TOX: variants seen among roughly 807,000 people sequenced by gnomAD.
TOX encodes thymocyte selection-associated high mobility group box protein TOX.
TOX carries 11 observed loss-of-function variants against 53.7 expected under a neutral mutation model. The ratio of observed to expected loss-of-function variants is 0.20; its 90% CI spans 0.13 to 0.34. The LOEUF (loss-of-function observed/expected upper bound fraction) is 0.34, where lower values mean the gene tolerates loss of function less well. Ranked by LOEUF, TOX falls within the 10% of genes least tolerant of loss-of-function variation. TOX has a pLI of 1.00. For synonymous variants in TOX, 225 were observed against 245.3 expected, an observed-to-expected ratio of 0.92 and a Z score of 0.77; for missense variants, 570 against 664.6, an observed-to-expected ratio of 0.86 and a Z score of 1.56.
chr8:59,110,955 A>G (rs1445676665), intron 1 of TOX, among the ~76,000 whole-genome samples: 1 of 152,170 alleles, frequency 6.6e-6, no homozygotes, highest in East Asian at 1.9e-4. Context: ...AATTCTTTGA[A>G]TTTTTGAACA....
chr8:58,838,649 C>T (rs541054521), intron 4 of TOX, among the ~76,000 whole-genome samples: 1 of 150,196 alleles, frequency 6.7e-6, no homozygotes, highest in East Asian at 2.0e-4. Context: ...GGTAGTAACA[C>T]TATTGGATGA....
At chr8:58,986,320 G>C (rs948376031) in intron 1 of TOX, among the ~76,000 whole-genome samples, 3 of 152,130 alleles carry the variant, frequency 2.0e-5, no homozygotes, top group African/African-American at 4.8e-5. Context: ...ATAGAATACA[G>C]ACTCCCAGTC....
intron 3 of TOX, among the ~76,000 whole-genome samples, chr8:58,864,021 C>T (rs1251849937): frequency 1.3e-5 from 2 of 151,980 alleles, no homozygotes; most frequent in East Asian, 3.9e-4. Flanking sequence ...TAGAATTTAA[C>T]TCCGGAGGCA....
chr8:59,093,917 A>G (rs565768664), intron 1 of TOX, among the ~76,000 whole-genome samples: 1 of 152,330 alleles, frequency 6.6e-6, no homozygotes, highest in East Asian at 1.9e-4. Context: ...TTTACCTGCC[A>G]GCTTGTCACA....
At chr8:58,914,727 G>C (rs917402934) in intron 3 of TOX, among the ~76,000 whole-genome samples, 1 of 152,042 alleles carries the variant, frequency 6.6e-6, no homozygotes, top group Non-Finnish European at 1.5e-5. Context: ...AACAGCTCTG[G>C]TCTACAGCTC....
intron 3 of TOX, among the ~76,000 whole-genome samples, chr8:58,852,536 T>C (rs1585860886): frequency 6.6e-6 from 1 of 152,234 alleles, no homozygotes; most frequent in African/African-American, 2.4e-5. Flanking sequence ...ATTCAAGCAA[T>C]GAATTTTGTC....
intron 5 of TOX, among the ~76,000 whole-genome samples, chr8:58,828,344 C>G (rs1585847359): frequency 6.6e-6 from 1 of 152,232 alleles, no homozygotes; most frequent in East Asian, 1.9e-4. Context: ...GGGGCTTCAG[C>G]CTTGACTTCT....
At chr8:58,948,839 T>C (rs1454807070) in intron 2 of TOX, among the ~76,000 whole-genome samples, 6 of 150,092 alleles carry the variant, frequency 4.0e-5, no homozygotes, top group African/African-American at 1.5e-4. Context: ...TTAGAAAATA[T>C]ACATAGGAAA....
intron 1 of TOX, among the ~76,000 whole-genome samples, chr8:58,995,348 G>A (rs910259234): frequency 2.0e-5 from 3 of 152,126 alleles, no homozygotes. Flanking sequence ...AGACAAAACC[G>A]TTTTCTGAAT....
intron 3 of TOX, among the ~76,000 whole-genome samples, chr8:58,923,292 A>G (rs1812102582): frequency 6.6e-6 from 1 of 152,150 alleles, no homozygotes; most frequent in African/African-American, 2.4e-5. Flanking sequence ...GGCAGTGGTG[A>G]AGAAGGAAGC....
At chr8:58,840,396 C>T (rs542467379) in intron 4 of TOX, among the ~76,000 whole-genome samples, 1 of 152,290 alleles carries the variant, frequency 6.6e-6, no homozygotes, top group East Asian at 1.9e-4. Context: ...CTGTCAGAGA[C>T]TCAGCATGTC....
Position 59,118,334 on chromosome 8 carries a change from C to A in TOX, c.102+552G>T, listed in dbSNP as rs1330065970. Among the ~76,000 whole-genome samples, 1 of 152,188 alleles carries A rather than the reference C, an allele frequency of 6.6e-6. No homozygotes were observed. Among genetic ancestry groups the A allele is most frequent in the Non-Finnish European group, 1.5e-5 (1 of 68,042 alleles). On this transcript the variant is annotated intron_variant, in intron 1 of 8. Coordinates refer to ENST00000361421, the MANE Select transcript of TOX (RefSeq NM_014729.3). This position sits in a 1 kb window ranked among gnomAD's most constrained non-coding sequence, Gnocchi z 4.1. The stretch of plus-strand genomic sequence containing the variant: ...CCGAACCCGGGCTCGGCTGCCGGAA[C>A]CGGTTTGAGAAAACAAAAGAGTTGT...
intron 1 of TOX, among the ~76,000 whole-genome samples, chr8:59,063,350 A>AT (rs1055483127): frequency 6.1e-5 from 9 of 148,626 alleles, no homozygotes; most frequent in East Asian, 2.0e-4. Flanking sequence ...AATTTGCAAA[A>AT]TTTTTTTTTT....
rs368692901 is a variant in TOX at position 58,967,036 on chromosome 8, G to A, written c.103-7028C>T. ...ACTACGGGCGCCCGCCACCACGCCC[G>A]GCTAATTTTTTGTATTTTTAGTAGA... On this transcript the variant is annotated intron_variant, in intron 1 of 8. Coordinates refer to ENST00000361421, the MANE Select transcript of TOX (RefSeq NM_014729.3). Among the ~76,000 whole-genome samples the A allele has an allele frequency of 2.6e-3, 388 of 151,968 alleles. 3 individuals are homozygous for A. Among genetic ancestry groups the A allele is most frequent in the African/African-American group, 8.6e-3 (356 of 41,462 alleles).
intron 1 of TOX, among the ~76,000 whole-genome samples, chr8:58,962,170 T>C (rs1812810628): frequency 6.6e-6 from 1 of 152,216 alleles, no homozygotes; most frequent in South Asian, 2.1e-4. Context: ...GTTGAGTCTA[T>C]CCAACATGTA....
chr8:58,832,137 ATAATATATGTAATATATAATATATG>A (rs1266318676), intron 5 of TOX, among the ~76,000 whole-genome samples: 237 of 147,076 alleles, frequency 1.6e-3, no homozygotes, highest in African/African-American at 5.3e-3. Flanking sequence ...TGTAATATAT[ATAATATATGTAATATATAATATATG>A]TAATATATGT....
intron 3 of TOX, among the ~76,000 whole-genome samples, chr8:58,935,223 A>G (rs747220643): frequency 3.9e-5 from 6 of 152,128 alleles, no homozygotes; most frequent in Non-Finnish European, 7.4e-5. Flanking sequence ...CATAATTCAT[A>G]TATAAAACAT....
At position 58,815,472 on chromosome 8, in the gene TOX, G is replaced by T; in HGVS notation, c.1258C>A (p.Pro420Thr). ...TGAAGAGGCGGGCTGATCTGGAGGG[G>T]AGGAGGAGGGGACACAGCCATGTTT... is the stretch of plus-strand genomic sequence containing the variant. Reference protein sequence around the residue: ...IANMAVSPPPPLQISPPLHQH... With the variant: ...IANMAVSPPPTLQISPPLHQH... Residue 420 changes from proline to threonine, a missense_variant, in exon 7 of 9, where the codon CCC (proline) becomes ACC (threonine). Pro to Thr is a conservative substitution (Grantham distance 38). Coordinates refer to ENST00000361421, the MANE Select transcript of TOX (RefSeq NM_014729.3). 1 of 1,614,088 alleles carries T rather than the reference G, an allele frequency of 6.2e-7. No homozygotes were observed. The highest frequency in any genetic ancestry group is 1.6e-4 in the Middle Eastern group (1 of 6,062).
intron 1 of TOX, among the ~76,000 whole-genome samples, chr8:59,059,317 G>A (rs995959614): frequency 3.9e-5 from 6 of 152,156 alleles, no homozygotes; most frequent in Non-Finnish European, 8.8e-5. Flanking sequence ...TACCTTGGAT[G>A]TTCTTCTAAA....
Sources: gnomAD v4.1 joint callset for allele counts (sites outside exome capture counted in the v4.1 genomes callset) on GRCh38, gnomAD v4.1.1 for gene constraint, Gnocchi (gnomAD v3.1) non-coding constraint, MANE v1.5 for transcripts, NCBI Gene and HGNC (gene_info 2026-07-23, HGNC 2026-07-21) for gene names.